Variants in BOLL observed in about 807,000 individuals in gnomAD.
The protein encoded by BOLL is protein boule-like.
In BOLL, 23 loss-of-function variants were observed where a neutral mutation model predicts 44.4. The ratio of observed to expected loss-of-function variants is 0.52; its 90% CI spans 0.37 to 0.73. BOLL has a LOEUF of 0.73. BOLL is among the 30% of genes least tolerant of loss of function. BOLL has a pLI of 0.00. For synonymous variants in BOLL, 97 were observed against 110.8 expected, an observed-to-expected ratio of 0.88 and a Z score of 0.78; for missense variants, 287 against 338.3, an observed-to-expected ratio of 0.85 and a Z score of 1.19.
At chr2:197,763,748 C>T (rs935868633) in intron 7 of BOLL, among the ~76,000 whole-genome samples, 4 of 152,124 alleles carry the variant, frequency 2.6e-5, no homozygotes, top group Admixed American at 6.5e-5. Flanking sequence ...AGTGAACAGA[C>T]GACCTGTTGA....
At chr2:197,769,239 C>A (rs1047087960) in intron 6 of BOLL, among the ~76,000 whole-genome samples, 1 of 152,014 alleles carries the variant, frequency 6.6e-6, no homozygotes, top group Admixed American at 6.6e-5. Context: ...AGGAATGGTA[C>A]CAGCTCCTCT....
intron 10 of BOLL, among the ~76,000 whole-genome samples, chr2:197,731,788 C>G (rs1352988019): frequency 6.6e-6 from 1 of 151,252 alleles, no homozygotes; most frequent in Admixed American, 6.6e-5. Flanking sequence ...CACAACATAC[C>G]AGAATCTCTG....
At chr2:197,734,525 C>G (rs989861357) in intron 10 of BOLL, among the ~76,000 whole-genome samples, 1 of 152,148 alleles carries the variant, frequency 6.6e-6, no homozygotes, top group Non-Finnish European at 1.5e-5. Context: ...TTTATCACGG[C>G]ACTATTCACA....
intron 9 of BOLL, among the ~76,000 whole-genome samples, chr2:197,746,898 C>T (rs960237272): frequency 4.2e-5 from 3 of 70,896 alleles, no homozygotes; most frequent in South Asian, 5.7e-4. Context: ...GACTCTGTCT[C>T]GAAAAAAAAA....
At chr2:197,738,680 C>T (rs902293025) in intron 10 of BOLL, among the ~76,000 whole-genome samples, 1 of 152,108 alleles carries the variant, frequency 6.6e-6, no homozygotes, top group Non-Finnish European at 1.5e-5. Flanking sequence ...CTTCAATTAA[C>T]ATTCATGAGT....
intron 10 of BOLL, among the ~76,000 whole-genome samples, chr2:197,737,626 A>C (rs187698276): frequency 8.5e-5 from 13 of 152,274 alleles, no homozygotes; most frequent in Admixed American, 2.0e-4. Context: ...AATACAAGAC[A>C]ATTTGAGTCT....
chr2:197,785,266 C>G lies in BOLL; in HGVS notation c.-226G>C. On this transcript the variant is annotated 5_prime_UTR_variant, in exon 1 of 11. Coordinates refer to ENST00000392296, the MANE Select transcript of BOLL (RefSeq NM_033030.6). The surrounding 1 kb of genome is among the most constrained non-coding windows in gnomAD (Gnocchi z 6.7). ...TTTTGCCCCACAAATCCGCCAGCAG[C>G]AGTGGCGGGAAGCCTCAACGGCAGC... 1.0e-6 allele frequency: 1 copy of G among 985,466 alleles called. No individual in the cohort carries two copies. Among genetic ancestry groups the G allele is most frequent in the Non-Finnish European group, 1.2e-6 (1 of 829,776 alleles). The allele number at this position is 985,466 out of a possible 1,614,324, so 61.0% of individuals were successfully genotyped here.
Position 197,750,152 on chromosome 2 carries a change from A to G in BOLL, c.729+6276T>C, listed in dbSNP as rs376620398. On this transcript the variant is annotated intron_variant, in intron 9 of 10. Transcript: ENST00000392296. Reference sequence around the variant, plus strand: ...TACAAGAATTCCTGAAGGAAGTACTAAATATGGAAAGGAAAAACCAGTACC... The same window carrying G: ...TACAAGAATTCCTGAAGGAAGTACTGAATATGGAAAGGAAAAACCAGTACC... Among the ~76,000 whole-genome samples the G allele has an allele frequency of 1.9e-4, 29 of 152,324 alleles. 1 individual carries two copies. The highest frequency in any genetic ancestry group is 6.5e-4 in the African/African-American group (27 of 41,570).
intron 4 of BOLL, among the ~76,000 whole-genome samples, chr2:197,776,255 T>C (rs929545682): frequency 7.2e-5 from 11 of 151,902 alleles, no homozygotes; most frequent in African/African-American, 2.4e-4. Flanking sequence ...ATTGTTGAAG[T>C]GCTGGCTAGC....
intron 9 of BOLL, among the ~76,000 whole-genome samples, chr2:197,755,375 C>A (rs558039582): frequency 2.6e-5 from 4 of 152,134 alleles, no homozygotes; most frequent in Admixed American, 6.6e-5. Flanking sequence ...ACCATTTGAC[C>A]CAGCAATCCC....
chr2:197,763,354 C>T (rs1295991078), intron 7 of BOLL, among the ~76,000 whole-genome samples: 2 of 150,930 alleles, frequency 1.3e-5, no homozygotes, highest in African/African-American at 4.9e-5. Context: ...TAGTGGCGGG[C>T]GCCTGTAGTC....
intron 10 of BOLL, among the ~76,000 whole-genome samples, chr2:197,729,695 A>G (rs1046190323): frequency 6.6e-6 from 1 of 152,222 alleles, no homozygotes; most frequent in African/African-American, 2.4e-5. Flanking sequence ...ACCCCCCACC[A>G]GGGGCACACT....
At chr2:197,740,635 T>C (rs1351746291) in intron 10 of BOLL, among the ~76,000 whole-genome samples, 2 of 152,158 alleles carry the variant, frequency 1.3e-5, no homozygotes, top group Non-Finnish European at 1.5e-5. Context: ...GTCATCAACA[T>C]AGATAATAAA....
At chr2:197,731,397 C>CA (rs1328467733) in intron 10 of BOLL, among the ~76,000 whole-genome samples, 1 of 145,966 alleles carries the variant, frequency 6.9e-6, no homozygotes, top group African/African-American at 2.6e-5. Context: ...CAACATTAGA[C>CA]AGATCAACGA....
chr2:197,729,631 GCCT>G (rs1687049057), intron 10 of BOLL, among the ~76,000 whole-genome samples: 1 of 152,190 alleles, frequency 6.6e-6, no homozygotes, highest in African/African-American at 2.4e-5. Flanking sequence ...CGGGCAGACT[GCCT>G]CCTCAAGTGG....
chr2:197,749,257 T>C (rs1380974791), intron 9 of BOLL, among the ~76,000 whole-genome samples: 1 of 152,016 alleles, frequency 6.6e-6, no homozygotes, highest in Non-Finnish European at 1.5e-5. Flanking sequence ...ATATCAAAGG[T>C]AGATAAATCC....
At chr2:197,779,213 G>C in intron 2 of BOLL, 147 bp from the exon 3 acceptor site, 1 of 573,968 alleles carries the variant, frequency 1.7e-6, no homozygotes, top group South Asian at 2.3e-5. Flanking sequence ...AAACCACTAG[G>C]TGATTAAAAT....
At chr2:197,740,821 G>T (rs1687695518) in intron 10 of BOLL, among the ~76,000 whole-genome samples, 2 of 152,140 alleles carry the variant, frequency 1.3e-5, no homozygotes, top group African/African-American at 4.8e-5. Context: ...AATGGTGATG[G>T]TTGCATAGCA....
intron 4 of BOLL, among the ~76,000 whole-genome samples, chr2:197,776,805 ACT>A (rs1359922741): frequency 6.6e-6 from 1 of 151,936 alleles, no homozygotes; most frequent in Non-Finnish European, 1.5e-5. Context: ...TGCTATTAAC[ACT>A]TCGCAAAAGA....
Sources: allele counts gnomAD v4.1 joint callset (sites outside exome capture counted in the v4.1 genomes callset), GRCh38; gene constraint gnomAD v4.1.1; non-coding constraint Gnocchi (gnomAD v3.1); transcripts MANE v1.5; gene names NCBI Gene and HGNC (gene_info 2026-07-23, HGNC 2026-07-21).